The following DLC1 variants were observed in gnomAD, a reference collection of about 807,000 sequenced individuals.
DLC1 encodes the protein rho GTPase-activating protein 7.
In DLC1, 54 loss-of-function variants were observed where a neutral mutation model predicts 140.3. The ratio of observed to expected loss-of-function variants is 0.38; its 90% confidence interval spans 0.31 to 0.48. DLC1 has a LOEUF of 0.48. DLC1 is among the 20% of genes least tolerant of loss of function. The pLI is 0.96. For missense variants in DLC1, 2,536 were observed against 1,907.0 expected (o/e 1.33, Z -6.14); for synonymous variants, 986 against 728.1 (o/e 1.35, Z -5.70).
At chr8:13,165,354 G>C (rs963146040) in intron 5 of DLC1, among the ~76,000 whole-genome samples, 3 of 152,184 alleles carry the variant, frequency 2.0e-5, no homozygotes, top group Non-Finnish European at 2.9e-5. Flanking sequence ...AAGTAGGCAA[G>C]GAATTTGAAG....
intron 5 of DLC1, among the ~76,000 whole-genome samples, chr8:13,126,108 G>A (rs1585705123): frequency 6.6e-6 from 1 of 152,212 alleles, no homozygotes; most frequent in East Asian, 1.9e-4. Context: ...CAACAGCTCT[G>A]GATGAATTTG....
At chr8:13,247,245 C>A (rs1347840506) in intron 5 of DLC1, among the ~76,000 whole-genome samples, 2 of 152,184 alleles carry the variant, frequency 1.3e-5, no homozygotes, top group African/African-American at 4.8e-5. Flanking sequence ...TCAGACACTG[C>A]CAGACATTAC....
At chr8:13,539,801 G>C (rs1406930070) in intron 1 of DLC1, among the ~76,000 whole-genome samples, 1 of 151,650 alleles carries the variant, frequency 6.6e-6, no homozygotes, top group African/African-American at 2.4e-5. Context: ...TGAATGTTGA[G>C]AAAATTTCAA....
intron 5 of DLC1, among the ~76,000 whole-genome samples, chr8:13,154,494 C>T (rs917861598): frequency 2.6e-5 from 4 of 152,206 alleles, no homozygotes; most frequent in South Asian, 2.1e-4. Flanking sequence ...GCTCCGAGTG[C>T]GGGGCCTGCC....
At chr8:13,292,025 C>A (rs962288595) in intron 5 of DLC1, among the ~76,000 whole-genome samples, 1 of 150,178 alleles carries the variant, frequency 6.7e-6, no homozygotes, top group Non-Finnish European at 1.5e-5. Flanking sequence ...TGTAATCTAA[C>A]GAAACTGACT....
At chr8:13,277,777 C>A (rs562516457) in intron 5 of DLC1, among the ~76,000 whole-genome samples, 1 of 152,090 alleles carries the variant, frequency 6.6e-6, no homozygotes, top group South Asian at 2.1e-4. Flanking sequence ...CATCTAAAGG[C>A]CAGTTCATAA....
At chr8:13,544,763 TAAAA>T (rs1326297098) in intron 1 of DLC1, among the ~76,000 whole-genome samples, 1 of 152,224 alleles carries the variant, frequency 6.6e-6, no homozygotes, top group Non-Finnish European at 1.5e-5. Context: ...AACTGTCCAT[TAAAA>T]AAGCTAAAAA....
chr8:13,514,755 G>C lies in DLC1; in HGVS notation c.-279C>G. ...CTGAGCAGTTTCACGCAGTGTGTGA[G>C]TCTAACAAAAACACCCTCTGCAGCT... On this transcript the variant is annotated 5_prime_UTR_variant, in exon 1 of 18. Coordinates refer to ENST00000276297, the MANE Select transcript of DLC1 (RefSeq NM_182643.3). The C allele has an allele frequency of 2.5e-6, 1 of 397,832 alleles. No homozygotes were observed. Among genetic ancestry groups the C allele is most frequent in the Non-Finnish European group, 4.4e-6 (1 of 225,588 alleles). The allele number at this position is 397,832 out of a possible 1,614,324, so 24.6% of individuals were successfully genotyped here. A position where few individuals can be genotyped will look rare whatever the true frequency, so the allele number is the denominator to read the frequency against.
chr8:13,336,519 G>C (rs1310708816), intron 4 of DLC1, among the ~76,000 whole-genome samples: 1 of 152,164 alleles, frequency 6.6e-6, no homozygotes, highest in Non-Finnish European at 1.5e-5. Flanking sequence ...ACTAAACCAA[G>C]ATAAAGCCAT....
intron 4 of DLC1, among the ~76,000 whole-genome samples, chr8:13,362,960 G>A (rs554178889): frequency 2.0e-5 from 3 of 152,128 alleles, no homozygotes; most frequent in East Asian, 1.9e-4. Flanking sequence ...CTGTTTTCTC[G>A]ATTACATCTT....
chr8:13,088,321 A>G (rs1001658026), intron 16 of DLC1, among the ~76,000 whole-genome samples, 166 bp downstream of exon 16: 1 of 152,186 alleles, frequency 6.6e-6, no homozygotes, highest in Non-Finnish European at 1.5e-5. Context: ...GCCTCAAGTG[A>G]TCCTCCCACC....
Position 13,095,235 on chromosome 8 carries a change from T to G in DLC1, c.3178A>C (p.Lys1060Gln). ...NKHGFSWAVP[K>Q]FMKRIKVPDY... ...GGAACCTTGATCCTCTTCATGAACTTGGGCACGGCCCTGTTAAAGAACACA... is the reference window on the plus strand; with the variant it reads ...GGAACCTTGATCCTCTTCATGAACTGGGGCACGGCCCTGTTAAAGAACACA... Residue 1060 changes from lysine to glutamine, a missense_variant, in exon 11 of 18, where the codon AAG becomes CAG. Transcript: ENST00000276297. 1.2e-6 allele frequency: 2 copies of G among 1,614,256 alleles called. No individual in the cohort carries two copies. The highest frequency in any genetic ancestry group is 1.7e-6 in the Non-Finnish European group (2 of 1,180,054).
intron 4 of DLC1, among the ~76,000 whole-genome samples, chr8:13,313,567 T>A (rs561806807): frequency 6.6e-6 from 1 of 152,222 alleles, no homozygotes; most frequent in South Asian, 2.1e-4. Flanking sequence ...ATCACACAGC[T>A]CCATGATTGT....
chr8:13,402,173 C>G (rs1289902221), intron 2 of DLC1, among the ~76,000 whole-genome samples: 2 of 152,200 alleles, frequency 1.3e-5, no homozygotes, highest in African/African-American at 2.4e-5. Context: ...AAAATCTCTT[C>G]TCTTGAGTTT....
chr8:13,296,109 C>A (rs1287471797), intron 5 of DLC1, among the ~76,000 whole-genome samples: 3 of 151,720 alleles, frequency 2.0e-5, no homozygotes, highest in African/African-American at 7.3e-5. Context: ...GCATGCACCA[C>A]CACGCCCAGC....
intron 1 of DLC1, among the ~76,000 whole-genome samples, chr8:13,571,866 C>G (rs749117170): frequency 1.3e-5 from 2 of 152,138 alleles, no homozygotes; most frequent in African/African-American, 4.8e-5. Flanking sequence ...CTTGCCAACA[C>G]TTTTTATTTT....
At chr8:13,383,322 A>G (rs1428658788) in intron 4 of DLC1, among the ~76,000 whole-genome samples, 1 of 152,104 alleles carries the variant, frequency 6.6e-6, no homozygotes, top group Non-Finnish European at 1.5e-5. Context: ...TACGGTTGTT[A>G]TTCCATATCT....
intron 1 of DLC1, among the ~76,000 whole-genome samples, chr8:13,582,776 T>C (rs1805153886): frequency 6.6e-6 from 1 of 150,532 alleles, no homozygotes; most frequent in East Asian, 2.0e-4. Context: ...TGGATTCGGT[T>C]CTATAATACT....
chr8:13,397,903 T>A (rs1209494926), intron 3 of DLC1, among the ~76,000 whole-genome samples: 6 of 151,754 alleles, frequency 4.0e-5, no homozygotes, highest in Non-Finnish European at 4.4e-5. Flanking sequence ...GAGGCCGAGG[T>A]GAGCAGATCA....
Sources: allele counts gnomAD v4.1 joint callset (sites outside exome capture counted in the v4.1 genomes callset), GRCh38; gene constraint gnomAD v4.1.1; transcripts MANE v1.5; gene names NCBI Gene and HGNC (gene_info 2026-07-23, HGNC 2026-07-21).